Variants in ZNF827 observed in about 807,000 individuals in gnomAD.
ZNF827 encodes zinc finger protein 827.
A neutral mutation model predicts 102.4 loss-of-function variants in ZNF827; 13 were observed. The ratio of observed to expected loss-of-function variants is 0.13; its 90% CI spans 0.08 to 0.20. The LOEUF (loss-of-function observed/expected upper bound fraction) is 0.20, where lower values mean the gene tolerates loss of function less well. Among genes scored for constraint, ZNF827 ranks in the 10% least tolerant of loss-of-function variants. ZNF827 has a pLI of 1.00. For missense variants in ZNF827, 1,103 were observed against 1,344.4 expected (o/e 0.82, Z 2.81); for synonymous variants, 523 against 536.2 (o/e 0.98, Z 0.34).
At chr4:145,798,907 C>G (rs1740623352) in intron 8 of ZNF827, among the ~76,000 whole-genome samples, 1 of 152,164 alleles carries the variant, frequency 6.6e-6, no homozygotes, top group African/African-American at 2.4e-5. Flanking sequence ...AGAATGTTCA[C>G]AAATTTAATG....
intron 8 of ZNF827, among the ~76,000 whole-genome samples, chr4:145,780,020 G>T (rs1312583096): frequency 6.6e-6 from 1 of 152,130 alleles, no homozygotes. Flanking sequence ...GTGAAACCTT[G>T]TATCTACTAA....
chr4:145,804,271 G>T (rs1025520731), intron 8 of ZNF827, among the ~76,000 whole-genome samples: 2 of 152,136 alleles, frequency 1.3e-5, no homozygotes, highest in African/African-American at 4.8e-5. Context: ...CTGTAATTTG[G>T]ACTCACTCTC....
intron 1 of ZNF827, among the ~76,000 whole-genome samples, chr4:145,921,039 C>T (rs527545401): frequency 2.0e-5 from 3 of 152,260 alleles, no homozygotes; most frequent in South Asian, 2.1e-4. Context: ...GGGGAGGAGA[C>T]GCCTAATTCT....
chr4:145,912,753 A>G (rs1488066977), intron 1 of ZNF827, among the ~76,000 whole-genome samples: 3 of 151,844 alleles, frequency 2.0e-5, no homozygotes, highest in Admixed American at 1.3e-4. Context: ...TCTGGAACAG[A>G]CCCTTCCCTA....
chr4:145,921,320 A>G (rs1753046823), intron 1 of ZNF827, among the ~76,000 whole-genome samples: 2 of 152,182 alleles, frequency 1.3e-5, no homozygotes, highest in African/African-American at 4.8e-5. Flanking sequence ...AAAGTCTAGA[A>G]GTCCAGACTT....
chr4:145,884,931 A>C (rs1749982095), intron 4 of ZNF827, among the ~76,000 whole-genome samples: 1 of 152,172 alleles, frequency 6.6e-6, no homozygotes, highest in Admixed American at 6.5e-5. Context: ...GACATAAAGT[A>C]GTGGCCTCCA....
intron 7 of ZNF827, among the ~76,000 whole-genome samples, chr4:145,837,164 A>G (rs1212574553): frequency 6.6e-5 from 10 of 152,188 alleles, no homozygotes; most frequent in Non-Finnish European, 7.3e-5. Context: ...ACGAGCCTTT[A>G]TTAGTCAAAT....
At chr4:145,825,587 A>C (rs1743597654) in intron 7 of ZNF827, among the ~76,000 whole-genome samples, 1 of 152,206 alleles carries the variant, frequency 6.6e-6, no homozygotes, top group Non-Finnish European at 1.5e-5. Flanking sequence ...TCAACACCAC[A>C]GGTACATTTG....
At chr4:145,865,067 A>G (rs1019748229) in intron 5 of ZNF827, among the ~76,000 whole-genome samples, 4 of 152,202 alleles carry the variant, frequency 2.6e-5, no homozygotes, top group African/African-American at 7.2e-5. Flanking sequence ...AGTCTCCAAC[A>G]TGGTCTTAGA....
intron 8 of ZNF827, among the ~76,000 whole-genome samples, chr4:145,792,345 A>C (rs77959545): frequency 0.011 from 1,731 of 152,122 alleles, 39 homozygotes; most frequent in African/African-American, 0.04. Flanking sequence ...TATGAAAGTC[A>C]GGGCATCCTA....
At chr4:145,861,130 A>G (rs922188372) in intron 5 of ZNF827, among the ~76,000 whole-genome samples, 1 of 152,214 alleles carries the variant, frequency 6.6e-6, no homozygotes, top group African/African-American at 2.4e-5. Flanking sequence ...CCAGATGGGC[A>G]CCATATTCAT....
At chr4:145,866,542 A>G (rs1748219337) in intron 5 of ZNF827, among the ~76,000 whole-genome samples, 1 of 152,258 alleles carries the variant, frequency 6.6e-6, no homozygotes, top group Non-Finnish European at 1.5e-5. Context: ...GGGTGAGCAC[A>G]GAAATTTTTA....
At chr4:145,887,530 C>T (rs7679068) in intron 3 of ZNF827, among the ~76,000 whole-genome samples, 85,147 of 151,996 alleles carry the variant, frequency 0.56, 24,258 homozygotes, top group East Asian at 0.82. Context: ...CCCCAAAGCA[C>T]GAGTTTCTTA....
chr4:145,845,145 T>C (rs991379772), intron 7 of ZNF827, among the ~76,000 whole-genome samples: 5 of 152,230 alleles, frequency 3.3e-5, no homozygotes, highest in African/African-American at 7.2e-5. Context: ...GGTTTGAAAG[T>C]GGAGAATGGT....
At chr4:145,929,601 A>C (rs1753662516) in intron 1 of ZNF827, among the ~76,000 whole-genome samples, 1 of 152,142 alleles carries the variant, frequency 6.6e-6, no homozygotes, top group African/African-American at 2.4e-5. Context: ...TTGTAAAAGA[A>C]TTTTACCATA....
At chr4:145,773,302 G>A (rs746349672) in intron 11 of ZNF827, among the ~76,000 whole-genome samples, 2 of 152,100 alleles carry the variant, frequency 1.3e-5, no homozygotes, top group African/African-American at 2.4e-5. Flanking sequence ...TTGGCATAAC[G>A]GCTCTCTGCA....
At chr4:145,787,465 A>G (rs996619197) in intron 8 of ZNF827, among the ~76,000 whole-genome samples, 3 of 120,034 alleles carry the variant, frequency 2.5e-5, no homozygotes, top group East Asian at 4.6e-4. Context: ...CCGTCTCAGG[A>G]AAAAAAAAAA....
At chr4:145,917,147 T>C (rs59720238) in intron 1 of ZNF827, among the ~76,000 whole-genome samples, 9,307 of 152,308 alleles carry the variant, frequency 0.061, 320 homozygotes, top group Middle Eastern at 0.088. Flanking sequence ...CTCCAAATTC[T>C]TCTAGCATCT....
chr4:145,852,841 C>G (rs1243295890), intron 5 of ZNF827, among the ~76,000 whole-genome samples: 1 of 152,164 alleles, frequency 6.6e-6, no homozygotes, highest in Non-Finnish European at 1.5e-5. Flanking sequence ...TCATATAGCA[C>G]ACTGCAGTCT....
Sources: allele counts gnomAD v4.1 joint callset (sites outside exome capture counted in the v4.1 genomes callset), GRCh38; gene constraint gnomAD v4.1.1; transcripts MANE v1.5; gene names NCBI Gene and HGNC (gene_info 2026-07-23, HGNC 2026-07-21).